The following FERMT2 variants were observed in gnomAD, a reference collection of about 807,000 sequenced individuals.
The protein encoded by FERMT2 is FERM domain containing kindlin 2.
Under a neutral mutation model 82.7 loss-of-function variants are expected in FERMT2, and 15 were observed. The observed-to-expected ratio is 0.18, with a 90% CI of 0.12 to 0.28. FERMT2 has a LOEUF of 0.28. FERMT2 is among the 10% of genes least tolerant of loss of function. The pLI is 1.00. For missense variants in FERMT2, 645 were observed against 809.4 expected (o/e 0.80, Z 2.46); for synonymous variants, 274 against 271.5 (o/e 1.01, Z -0.09).
Position 52,873,060 on chromosome 14 carries a change from G to A in FERMT2, c.1149-137C>T, listed in dbSNP as rs892814516. The A allele has an allele frequency of 3.7e-5, 26 of 699,378 alleles. No homozygotes were observed. The African/African-American group carries it at 4.3e-4, about 12-fold the overall frequency. The allele number at this position is 699,378 out of a possible 1,614,324, so 43.3% of individuals were successfully genotyped here. A position where few individuals can be genotyped will look rare whatever the true frequency, so the allele number is the denominator to read the frequency against. ...CTGAAATTGATCCCCCTTGGTCAGCGTCTTATTAGTCAGTGCTACTGTTAC... is the reference window on the plus strand; with the variant it reads ...CTGAAATTGATCCCCCTTGGTCAGCATCTTATTAGTCAGTGCTACTGTTAC... On this transcript the variant is annotated intron_variant, in intron 9 of 14. Transcript: ENST00000341590.
intron 3 of FERMT2, among the ~76,000 whole-genome samples, chr14:52,905,038 A>C (rs1887916661): frequency 6.6e-6 from 1 of 151,598 alleles, no homozygotes; most frequent in Non-Finnish European, 1.5e-5. Context: ...AAAAATACAA[A>C]ATTAGCTGGG....
intron 4 of FERMT2, among the ~76,000 whole-genome samples, chr14:52,890,895 G>A (rs1380675338): frequency 2.0e-5 from 3 of 152,070 alleles, no homozygotes; most frequent in Admixed American, 6.5e-5. Flanking sequence ...TAAGCCACCC[G>A]CGCCTGGCCC....
chr14:52,857,526 T>C lies in FERMT2; in HGVS notation c.*851A>G, dbSNP rs1344662359. On this transcript the variant is annotated 3_prime_UTR_variant, in exon 15 of 15. Transcript: ENST00000341590. ...GAAGTCATTCTTAATTTAGTAGATA[T>C]TAAAACTGCACGTTAATTATATCTC... 1 of 152,636 alleles carries C rather than the reference T, an allele frequency of 6.6e-6. No individual in the cohort carries two copies. The highest frequency in any genetic ancestry group is 2.4e-5 in the African/African-American group (1 of 41,440). 9.5% of individuals were successfully genotyped at this position (152,636 alleles called of 1,614,324 possible). A position where few individuals can be genotyped will look rare whatever the true frequency, so the allele number is the denominator to read the frequency against.
intron 12 of FERMT2, chr14:52,861,635 C>T (rs900078151): frequency 6.6e-6 from 1 of 152,364 alleles, no homozygotes; most frequent in Non-Finnish European, 1.5e-5. Flanking sequence ...AAAGAGATGC[C>T]GTATACTACA....
chr14:52,903,942 C>G (rs1355922486), intron 3 of FERMT2, among the ~76,000 whole-genome samples: 1 of 152,126 alleles, frequency 6.6e-6, no homozygotes, highest in Non-Finnish European at 1.5e-5. Flanking sequence ...GGGAGATTGA[C>G]TATAATCCAA....
At position 52,908,539 on chromosome 14, in the gene FERMT2, A is replaced by C. The variant is rs1888143545; in HGVS notation, c.391+10584T>G. Among the ~76,000 whole-genome samples, 3 of 152,230 alleles carry C rather than the reference A, an allele frequency of 2.0e-5. No individual in the cohort carries two copies. In the South Asian group the frequency reaches 6.2e-4, roughly 32 times the overall value. ...AGGTCAGACACATTATGCTAAGTGG[A>C]AGAAGCCATAAAGAAAAGACCAAAT... On this transcript the variant is annotated intron_variant, in intron 3 of 14. Coordinates refer to ENST00000341590, the MANE Select transcript of FERMT2 (RefSeq NM_006832.3).
intron 12 of FERMT2, chr14:52,863,386 T>A (rs1375602463): frequency 1.3e-5 from 2 of 152,178 alleles, no homozygotes; most frequent in African/African-American, 4.8e-5. Context: ...TAACAAAGAT[T>A]AAAGCAAAAT....
chr14:52,866,663 T>G (rs1885299164), intron 10 of FERMT2, among the ~76,000 whole-genome samples: 1 of 152,174 alleles, frequency 6.6e-6, no homozygotes, highest in Non-Finnish European at 1.5e-5. Flanking sequence ...CATCCTTCTG[T>G]GCTTATACAG....
intron 3 of FERMT2, among the ~76,000 whole-genome samples, chr14:52,908,815 A>G (rs1566744057): frequency 6.6e-6 from 1 of 152,192 alleles, no homozygotes; most frequent in South Asian, 2.1e-4. Flanking sequence ...GACATGGCTT[A>G]TAAGACGCCC....
intron 2 of FERMT2, among the ~76,000 whole-genome samples, chr14:52,932,557 T>C (rs981892001): frequency 6.6e-6 from 1 of 152,042 alleles, no homozygotes; most frequent in Non-Finnish European, 1.5e-5. Flanking sequence ...TAAACAGACT[T>C]TGAAACAACC....
intron 2 of FERMT2, among the ~76,000 whole-genome samples, chr14:52,938,607 A>T (rs145768235): frequency 6.6e-6 from 1 of 152,112 alleles, no homozygotes. Context: ...CACTCTGTCA[A>T]CCAGGCTGGA....
chr14:52,875,147 C>T, intron 8 of FERMT2, 76 bp downstream of exon 8: 4 of 1,292,944 alleles, frequency 3.1e-6, no homozygotes, highest in Non-Finnish European at 4.3e-6. Flanking sequence ...CCCCCAAATA[C>T]TTTGAACCTA....
intron 2 of FERMT2, among the ~76,000 whole-genome samples, chr14:52,940,147 G>C (rs1435244198): frequency 1.3e-5 from 2 of 152,162 alleles, no homozygotes; most frequent in Non-Finnish European, 2.9e-5. Context: ...CTGGGCTGGA[G>C]GTTATCAGCC....
intron 3 of FERMT2, among the ~76,000 whole-genome samples, chr14:52,901,217 C>T (rs1196172660): frequency 1.5e-5 from 2 of 134,336 alleles, no homozygotes; most frequent in Admixed American, 1.7e-4. Context: ...GGAGGCGGAG[C>T]TTGCAGTGAG....
rs1373507599 is a variant in FERMT2, at chr14:52,864,798, G to A, written c.1329C>T (p.Leu443=). Residue 443 remains leucine, a synonymous_variant, in exon 11 of 15, where the codon CTC becomes CTT. Coordinates refer to ENST00000341590, the MANE Select transcript of FERMT2 (RefSeq NM_006832.3). The part of the protein sequence containing the change: ...NISGQKFNIK[L]LIPVAEGMNE... ...TCATGCCTTCTGCAACTGGAATCAG[G>A]AGTTTAATGTTAAATTTTTGGCCTG... 3.1e-6 allele frequency: 5 copies of A among 1,612,314 alleles called. No individual in the cohort carries two copies. Among genetic ancestry groups the A allele is most frequent in the Non-Finnish European group, 4.2e-6 (5 of 1,178,562 alleles).
chr14:52,891,732 T>C (rs757518102), intron 4 of FERMT2, among the ~76,000 whole-genome samples: 1 of 152,198 alleles, frequency 6.6e-6, no homozygotes, highest in Non-Finnish European at 1.5e-5. Flanking sequence ...ATTTAGATAT[T>C]TGCTGAGGGG....
chr14:52,867,274 C>T (rs1885344677), intron 10 of FERMT2, among the ~76,000 whole-genome samples: 1 of 152,024 alleles, frequency 6.6e-6, no homozygotes, highest in African/African-American at 2.4e-5. Flanking sequence ...AGTGACTGTA[C>T]TTTGGCTCCA....
At chr14:52,905,265 T>C (rs1362947475) in intron 3 of FERMT2, among the ~76,000 whole-genome samples, 1 of 151,048 alleles carries the variant, frequency 6.6e-6, no homozygotes, top group Non-Finnish European at 1.5e-5. Context: ...GAAGTAACAG[T>C]ATAAGCACAT....
intron 7 of FERMT2, 106 bp downstream of exon 7, chr14:52,878,476 T>A: frequency 1.4e-6 from 1 of 719,170 alleles, no homozygotes. Context: ...ATGGCAAAAA[T>A]TCTGTCTCGT....
Sources: allele counts gnomAD v4.1 joint callset (sites outside exome capture counted in the v4.1 genomes callset), GRCh38; gene constraint gnomAD v4.1.1; transcripts MANE v1.5; gene names NCBI Gene and HGNC (gene_info 2026-07-23, HGNC 2026-07-21).